The following PALM2AKAP2 variants were observed in gnomAD, a reference collection of about 807,000 sequenced individuals.
The protein encoded by PALM2AKAP2 is PALM2-AKAP2 fusion protein.
PALM2AKAP2 carries 37 observed loss-of-function variants against 71.5 expected under a neutral mutation model. The observed-to-expected ratio is 0.52, with a 90% CI of 0.40 to 0.68. The LOEUF is 0.68. PALM2AKAP2 is among the 30% of genes least tolerant of loss of function. The pLI is 0.00. For synonymous variants in PALM2AKAP2, 468 were observed against 478.8 expected (o/e 0.98, Z 0.29); for missense variants, 1,224 against 1,191.8 (o/e 1.03, Z -0.40).
intron 1 of PALM2AKAP2, among the ~76,000 whole-genome samples, chr9:109,664,184 T>G (rs1827442656): frequency 6.6e-6 from 1 of 152,248 alleles, no homozygotes; most frequent in Non-Finnish European, 1.5e-5. Context: ...TTTAGCCCAT[T>G]TACATTTAAT....
intron 1 of PALM2AKAP2, among the ~76,000 whole-genome samples, chr9:109,675,203 C>T (rs373970541): frequency 8.5e-5 from 13 of 152,182 alleles, no homozygotes; most frequent in South Asian, 6.2e-4. Context: ...AGTAAAGGAG[C>T]GTCTGTATTT....
At chr9:109,842,859 CAA>C (rs1463404717) in intron 1 of PALM2AKAP2, among the ~76,000 whole-genome samples, 1 of 151,746 alleles carries the variant, frequency 6.6e-6, no homozygotes, top group Non-Finnish European at 1.5e-5. Flanking sequence ...TACTAAAAAT[CAA>C]ACAGTTCGGT....
At chr9:110,011,404 A>G (rs969078548) in intron 6 of PALM2AKAP2, among the ~76,000 whole-genome samples, 1 of 152,214 alleles carries the variant, frequency 6.6e-6, no homozygotes. Context: ...TGTTGGTGCT[A>G]TAGTTATAAA....
At chr9:110,080,093 A>G (rs1564293472) in intron 1 of PALM2AKAP2, among the ~76,000 whole-genome samples, 13 of 139,838 alleles carry the variant, frequency 9.3e-5, no homozygotes, top group African/African-American at 3.5e-4. Context: ...AAAAAAAAAA[A>G]AATAGAAGAT....
chr9:110,045,790 G>A (rs991243703), upstream of PALM2AKAP2, among the ~76,000 whole-genome samples: 3 of 151,996 alleles, frequency 2.0e-5, no homozygotes, highest in Non-Finnish European at 4.4e-5. Context: ...GGCTGGTCTT[G>A]AACTCCTGAC....
chr9:109,962,120 C>T (rs895494973), intron 6 of PALM2AKAP2, among the ~76,000 whole-genome samples: 1 of 152,222 alleles, frequency 6.6e-6, no homozygotes, highest in Non-Finnish European at 1.5e-5. Context: ...GCAGGTGCTG[C>T]CCAAGTCCTG....
intron 1 of PALM2AKAP2, among the ~76,000 whole-genome samples, chr9:109,720,655 C>T (rs2118632825): frequency 6.6e-6 from 1 of 152,288 alleles, no homozygotes; most frequent in South Asian, 2.1e-4. Flanking sequence ...TCATTTACAG[C>T]TACTTACACA....
At chr9:110,072,284 C>T (rs559161613) in intron 1 of PALM2AKAP2, among the ~76,000 whole-genome samples, 2 of 152,282 alleles carry the variant, frequency 1.3e-5, no homozygotes, top group East Asian at 3.9e-4. Flanking sequence ...ACTCAAGCTG[C>T]CCACTGTTGC....
chr9:110,077,790 C>T (rs1229025285), intron 1 of PALM2AKAP2, among the ~76,000 whole-genome samples: 7 of 151,982 alleles, frequency 4.6e-5, no homozygotes, highest in Non-Finnish European at 4.4e-5. Context: ...CCGAGGTGGT[C>T]GGATCACGAG....
At chr9:109,754,300 T>G (rs1564135392) in intron 1 of PALM2AKAP2, among the ~76,000 whole-genome samples, 1 of 152,186 alleles carries the variant, frequency 6.6e-6, no homozygotes, top group East Asian at 1.9e-4. Flanking sequence ...GTCCATTGTT[T>G]TGGTTACTGT....
intron 1 of PALM2AKAP2, among the ~76,000 whole-genome samples, chr9:110,084,912 T>G (rs1209401077): frequency 1.3e-5 from 2 of 151,912 alleles, no homozygotes; most frequent in African/African-American, 4.8e-5. Context: ...ATTTTTTTTT[T>G]TGTATTTTTA....
chr9:109,860,692 ACTT>A (rs1445442884), intron 1 of PALM2AKAP2, among the ~76,000 whole-genome samples: 2 of 152,092 alleles, frequency 1.3e-5, no homozygotes, highest in African/African-American at 4.8e-5. Flanking sequence ...TCAGTGCTTT[ACTT>A]CTTCATCTCT....
chr9:109,899,368 A>G (rs2131843947), intron 3 of PALM2AKAP2, among the ~76,000 whole-genome samples: 1 of 152,266 alleles, frequency 6.6e-6, no homozygotes, highest in South Asian at 2.1e-4. Context: ...GATTCCTTCT[A>G]CACTTTTTCT....
intron 1 of PALM2AKAP2, among the ~76,000 whole-genome samples, chr9:109,674,605 G>T (rs951301019): frequency 6.6e-6 from 1 of 151,950 alleles, no homozygotes; most frequent in East Asian, 1.9e-4. Flanking sequence ...CCTTTTGGGG[G>T]TTTAATGGGA....
upstream of PALM2AKAP2, among the ~76,000 whole-genome samples, chr9:110,046,533 A>G (rs1458320766): frequency 6.9e-6 from 1 of 144,796 alleles, no homozygotes; most frequent in Non-Finnish European, 1.5e-5. Context: ...CAATGGCACG[A>G]TCTCGGCTCA....
chr9:110,145,716 G>C (rs1193067274), intron 2 of PALM2AKAP2, among the ~76,000 whole-genome samples: 2 of 150,906 alleles, frequency 1.3e-5, no homozygotes, highest in Non-Finnish European at 3.0e-5. Context: ...CATGCCATTT[G>C]GAAAGGAATT....
intron 1 of PALM2AKAP2, among the ~76,000 whole-genome samples, chr9:110,076,513 G>GTATATA (rs1258256647): frequency 1.3e-5 from 1 of 76,694 alleles, no homozygotes; most frequent in African/African-American, 8.1e-5. Context: ...ATATATATAG[G>GTATATA]TATATATACC....
chr9:109,675,602 C>G (rs141423487), intron 1 of PALM2AKAP2, among the ~76,000 whole-genome samples: 1 of 152,240 alleles, frequency 6.6e-6, no homozygotes, highest in East Asian at 1.9e-4. Context: ...TAGCAGAATC[C>G]TGCCTATTAT....
intron 5 of PALM2AKAP2, among the ~76,000 whole-genome samples, chr9:109,929,365 G>T (rs867016126): frequency 7.2e-5 from 11 of 151,924 alleles, no homozygotes; most frequent in African/African-American, 2.7e-4. Flanking sequence ...ATCTGCTCTG[G>T]TCATCCCTTC....
Sources: allele counts gnomAD v4.1 joint callset (sites outside exome capture counted in the v4.1 genomes callset), GRCh38; gene constraint gnomAD v4.1.1; transcripts MANE v1.5; gene names NCBI Gene and HGNC (gene_info 2026-07-23, HGNC 2026-07-21).